DLC1: variants seen among roughly 807,000 people sequenced by gnomAD.
DLC1 encodes the protein DLC1 Rho GTPase activating protein.
A neutral mutation model predicts 140.3 loss-of-function variants in DLC1; 54 were observed. The ratio of observed to expected loss-of-function variants is 0.38; its 90% confidence interval spans 0.31 to 0.48. DLC1 has a LOEUF of 0.48. Ranked by LOEUF, DLC1 falls within the 20% of genes least tolerant of loss-of-function variation. DLC1 has a pLI of 0.96. For missense variants in DLC1, 2,536 were observed against 1,907.0 expected (o/e 1.33, Z -6.14); for synonymous variants, 986 against 728.1 (o/e 1.35, Z -5.70).
At chr8:13,111,168 C>T (rs758112478) in intron 6 of DLC1, among the ~76,000 whole-genome samples, 3 of 152,090 alleles carry the variant, frequency 2.0e-5, no homozygotes, top group African/African-American at 7.2e-5. Context: ...AAGAATGCTC[C>T]GTTTTAATGT....
At chr8:13,180,889 G>A (rs564364748) in intron 5 of DLC1, among the ~76,000 whole-genome samples, 1 of 152,120 alleles carries the variant, frequency 6.6e-6, no homozygotes, top group East Asian at 1.9e-4. Flanking sequence ...GTATATATGA[G>A]AATCAATTTT....
chr8:13,402,127 C>A (rs1414389501), intron 2 of DLC1, among the ~76,000 whole-genome samples: 1 of 152,148 alleles, frequency 6.6e-6, no homozygotes, highest in Non-Finnish European at 1.5e-5. Context: ...AGCACAGGGC[C>A]ATTTAGCCAC....
In DLC1 at chr8:13,206,750, T is replaced by G. The variant is rs909509599; in HGVS notation, c.1349-91093A>C. On this transcript the variant is annotated intron_variant, in intron 5 of 17. Transcript: ENST00000276297. ...CCAAATTAGTAAAAAGTGAGTTCTT[T>G]ACAATATTTGAAATGAGGTAGGGAG... Among the ~76,000 whole-genome samples the G allele has an allele frequency of 1.4e-4, 21 of 152,272 alleles. 1 individual carries two copies. The highest frequency in any genetic ancestry group is 5.1e-4 in the African/African-American group (21 of 41,560).
chr8:13,568,841 G>C (rs1005315801), intron 1 of DLC1, among the ~76,000 whole-genome samples: 7 of 152,172 alleles, frequency 4.6e-5, no homozygotes, highest in African/African-American at 1.7e-4. Flanking sequence ...CTTAGCAAAA[G>C]CCATTTCACT....
At chr8:13,156,938 G>A (rs772944223) in intron 5 of DLC1, among the ~76,000 whole-genome samples, 1 of 151,892 alleles carries the variant, frequency 6.6e-6, no homozygotes, top group South Asian at 2.1e-4. Flanking sequence ...TTTTTTTTCC[G>A]AGTATGAAGG....
At chr8:13,580,844 C>G (rs1169934480) in intron 1 of DLC1, among the ~76,000 whole-genome samples, 1 of 152,080 alleles carries the variant, frequency 6.6e-6, no homozygotes, top group African/African-American at 2.4e-5. Context: ...TGAGAAAAAG[C>G]GGGACAGCCT....
intron 2 of DLC1, among the ~76,000 whole-genome samples, chr8:13,414,171 G>C (rs913164478): frequency 6.6e-6 from 1 of 151,954 alleles, no homozygotes; most frequent in Non-Finnish European, 1.5e-5. Flanking sequence ...TACCTTTGTT[G>C]AATTATGAGG....
chr8:13,388,408 C>T (rs2444947), intron 4 of DLC1, among the ~76,000 whole-genome samples: 88,174 of 151,742 alleles, frequency 0.58, 25,995 homozygotes, highest in East Asian at 0.79. Context: ...ATCCCAGACA[C>T]AAGCAAAACC....
At chr8:13,473,776 G>A (rs575122121) in intron 2 of DLC1, among the ~76,000 whole-genome samples, 42 of 152,198 alleles carry the variant, frequency 2.8e-4, no homozygotes, top group Admixed American at 1.0e-3. Context: ...TTTCCCCTTC[G>A]CTAGAGATTT....
upstream of DLC1, among the ~76,000 whole-genome samples, chr8:13,518,558 A>G (rs1231676529): frequency 3.3e-5 from 5 of 152,240 alleles, no homozygotes; most frequent in African/African-American, 9.6e-5. Flanking sequence ...GTTCAAGAAC[A>G]TTTTATGTAA....
chr8:13,527,266 C>T (rs1403548270), intron 1 of DLC1, among the ~76,000 whole-genome samples: 1 of 152,086 alleles, frequency 6.6e-6, no homozygotes, highest in Non-Finnish European at 1.5e-5. Context: ...TGCTGTATTC[C>T]TAGTATGCTA....
In DLC1 at chr8:13,085,818, G is replaced by C. The variant is rs1262184718; in HGVS notation, c.4580C>G (p.Ser1527Cys). 2 of 1,614,016 alleles carry C rather than the reference G, an allele frequency of 1.2e-6. No homozygotes were observed. The highest frequency in any genetic ancestry group is 2.2e-5 in the East Asian group (1 of 44,872). Residue 1527 changes from serine to cysteine, a missense_variant, in exon 18 of 18, where the codon TCT becomes TGT. Physicochemically the swap from Ser to Cys is moderately radical, Grantham distance 112. Coordinates refer to ENST00000276297, the MANE Select transcript of DLC1 (RefSeq NM_182643.3). Reference sequence around the variant, plus strand: ...GTTGCGTTGCTTCAGTGATCACCTAGATTTGGTGTCTTTGGTTTCAGTGTT... The same window carrying C: ...GTTGCGTTGCTTCAGTGATCACCTACATTTGGTGTCTTTGGTTTCAGTGTT... ...NQNTETKDTKSR is the reference protein window; with the variant it reads ...NQNTETKDTKCR
At chr8:13,206,525 C>G (rs957431111) in intron 5 of DLC1, among the ~76,000 whole-genome samples, 4 of 152,002 alleles carry the variant, frequency 2.6e-5, no homozygotes, top group Non-Finnish European at 5.9e-5. Flanking sequence ...GTGATAGTCT[C>G]AACAGTAAAT....
intron 1 of DLC1, among the ~76,000 whole-genome samples, chr8:13,514,031 G>GT (rs1346365399): frequency 6.6e-6 from 1 of 150,974 alleles, no homozygotes; most frequent in African/African-American, 2.5e-5. Context: ...AATTTCACGT[G>GT]TTTACTTTTT....
intron 1 of DLC1, among the ~76,000 whole-genome samples, chr8:13,588,957 G>A (rs1223432700): frequency 6.6e-6 from 1 of 152,042 alleles, no homozygotes; most frequent in Non-Finnish European, 1.5e-5. Flanking sequence ...GGTGACAGAT[G>A]GAGTCAGATT....
intron 2 of DLC1, among the ~76,000 whole-genome samples, chr8:13,472,014 A>G (rs187820310): frequency 1.3e-3 from 192 of 152,354 alleles, no homozygotes; most frequent in Middle Eastern, 3.4e-3. Flanking sequence ...CTACGCACGG[A>G]AAGTCTGTTT....
chr8:13,374,279 G>A (rs1008861246), intron 4 of DLC1, among the ~76,000 whole-genome samples: 1 of 150,456 alleles, frequency 6.6e-6, no homozygotes, highest in Non-Finnish European at 1.5e-5. Context: ...GAGGTCAAAG[G>A]TCATGCCAAA....
intron 7 of DLC1, among the ~76,000 whole-genome samples, chr8:13,110,173 G>C (rs1819958130): frequency 6.6e-6 from 1 of 152,146 alleles, no homozygotes; most frequent in African/African-American, 2.4e-5. Flanking sequence ...CCTATAAGCT[G>C]CCTCTCAGCT....
intron 2 of DLC1, among the ~76,000 whole-genome samples, chr8:13,424,053 T>C (rs1320409537): frequency 6.6e-6 from 1 of 152,198 alleles, no homozygotes; most frequent in Non-Finnish European, 1.5e-5. Context: ...CTTTATTCTA[T>C]TTAATGGAAT....
Sources: gnomAD v4.1 joint callset for allele counts (sites outside exome capture counted in the v4.1 genomes callset) on GRCh38, gnomAD v4.1.1 for gene constraint, MANE v1.5 for transcripts, NCBI Gene and HGNC (gene_info 2026-07-23, HGNC 2026-07-21) for gene names.